FAM72B: variants seen among roughly 807,000 people sequenced by gnomAD.
FAM72B encodes the protein RUMY family member 2.
In FAM72B, 4 loss-of-function variants were observed where a neutral mutation model predicts 12.6. The observed-to-expected ratio is 0.32, with a 90% CI of 0.16 to 0.73. FAM72B has a LOEUF of 0.73. Among genes scored for constraint, FAM72B ranks in the 30% least tolerant of loss-of-function variants. FAM72B has a pLI of 0.67. For missense variants in FAM72B, 61 were observed against 158.4 expected (o/e 0.39, Z 3.30); for synonymous variants, 13 against 53.9 (o/e 0.24, Z 3.32).
At chr1:121,176,618 T>C (rs1473960216) in intron 3 of FAM72B, among the ~76,000 whole-genome samples, 1 of 133,548 alleles carries the variant, frequency 7.5e-6, no homozygotes, top group Non-Finnish European at 1.6e-5. Flanking sequence ...ATTGTGATAT[T>C]TGCTTGCTTT....
intron 2 of FAM72B, among the ~76,000 whole-genome samples, chr1:121,180,379 T>C (rs1428338427): frequency 1.8e-5 from 2 of 111,028 alleles, no homozygotes; most frequent in Non-Finnish European, 3.5e-5. Context: ...CTGTCTCTAC[T>C]AAAAAAAAAA....
intron 3 of FAM72B, among the ~76,000 whole-genome samples, chr1:121,175,285 A>G (rs1553316695): frequency 1.3e-5 from 2 of 152,218 alleles, no homozygotes; most frequent in South Asian, 2.1e-4. Context: ...AATCCCTTTG[A>G]AAACATTACT....
At chr1:121,173,318 C>G (rs1359040707) in intron 3 of FAM72B, among the ~76,000 whole-genome samples, 1 of 141,856 alleles carries the variant, frequency 7.0e-6, no homozygotes, top group South Asian at 2.3e-4. Flanking sequence ...AGGCTGGTCT[C>G]GAACCCCTGA....
At chr1:121,168,899 A>G in intron 3 of FAM72B, 64 bp from the exon 4 acceptor site, 1 of 1,245,438 alleles carries the variant, frequency 8.0e-7, no homozygotes, top group South Asian at 1.4e-5. Context: ...AACACAAATT[A>G]CGAAACTTTA....
At chr1:121,173,254 G>A (rs1404184332) in intron 3 of FAM72B, among the ~76,000 whole-genome samples, 4 of 135,984 alleles carry the variant, frequency 2.9e-5, no homozygotes, top group East Asian at 2.2e-4. Context: ...GTGCCACCTC[G>A]GCTTACTGCA....
intron 3 of FAM72B, among the ~76,000 whole-genome samples, chr1:121,170,030 G>T (rs1553315984): frequency 6.6e-6 from 1 of 152,118 alleles, no homozygotes. Flanking sequence ...GAGACGAGTG[G>T]TGTAATCTTG....
chr1:121,183,098 TGTGTGGTCGCATGACTGC>T, intron 1 of FAM72B: 1 of 110,770 alleles, frequency 9.0e-6, no homozygotes. Context: ...ACTTAAGAGA[TGTGTGGTCGCATGACTGC>T]AATTGAACTA....
At chr1:121,174,369 CTT>C (rs56969749) in intron 3 of FAM72B, among the ~76,000 whole-genome samples, 2 of 141,926 alleles carry the variant, frequency 1.4e-5, no homozygotes, top group Non-Finnish European at 1.5e-5. Context: ...CTTTTCTTTT[CTT>C]TTTTTTTTTT....
At chr1:121,172,540 A>G (rs1309407942) in intron 3 of FAM72B, among the ~76,000 whole-genome samples, 1 of 146,802 alleles carries the variant, frequency 6.8e-6, no homozygotes. Flanking sequence ...AGGTGGGCAG[A>G]TCACCTGAGG....
At chr1:121,168,866 T>C in intron 3 of FAM72B, 31 bp from the exon 4 acceptor site, 1 of 1,591,444 alleles carries the variant, frequency 6.3e-7, no homozygotes, top group Non-Finnish European at 8.5e-7. Context: ...AATTCTTTAA[T>C]GCTTACTACT....
chr1:121,172,646 C>T (rs1233580755), intron 3 of FAM72B, among the ~76,000 whole-genome samples: 2 of 144,448 alleles, frequency 1.4e-5, no homozygotes, highest in Admixed American at 6.7e-5. Flanking sequence ...ACCTATAATC[C>T]CAGCCACTCA....
chr1:121,179,657 G>A (rs1289387587), intron 2 of FAM72B, among the ~76,000 whole-genome samples: 1 of 151,106 alleles, frequency 6.6e-6, no homozygotes, highest in African/African-American at 2.4e-5. Context: ...GTGAAACCCT[G>A]TCTCTACTAA....
rs1654064404 is a variant in FAM72B, at chr1:121,170,178, T to C, written c.356-1343A>G. Among the ~76,000 whole-genome samples the C allele has an allele frequency of 3.3e-5, 5 of 149,536 alleles. No individual in the cohort carries two copies. In the South Asian group the frequency reaches 8.6e-4, roughly 26 times the overall value. ...TAGAGATGGGGTTTCACCACGTTGG[T>C]CAGGGTGGTCTTGAACTCCTGACCT... On this transcript the variant is annotated intron_variant, in intron 3 of 3. Coordinates refer to ENST00000369390, the MANE Select transcript of FAM72B (RefSeq NM_001100910.2).
intron 2 of FAM72B, among the ~76,000 whole-genome samples, chr1:121,179,718 C>T (rs1236842425): frequency 6.9e-6 from 1 of 144,902 alleles, no homozygotes; most frequent in African/African-American, 2.6e-5. Flanking sequence ...GTCTCAGCTA[C>T]TCAGGAGGCT....
intron 3 of FAM72B, among the ~76,000 whole-genome samples, chr1:121,170,159 T>C (rs1418665116): frequency 6.6e-6 from 1 of 151,016 alleles, no homozygotes; most frequent in East Asian, 2.0e-4. Flanking sequence ...TTAGTAGAGA[T>C]GGGGTTTCAC....
At chr1:121,174,729 T>C (rs1405638233) in intron 3 of FAM72B, among the ~76,000 whole-genome samples, 1 of 145,084 alleles carries the variant, frequency 6.9e-6, no homozygotes, top group African/African-American at 2.6e-5. Flanking sequence ...CGATCTCGGC[T>C]CACTTCAAAC....
intron 3 of FAM72B, among the ~76,000 whole-genome samples, chr1:121,172,309 G>A (rs1174718633): frequency 2.0e-3 from 252 of 123,594 alleles, no homozygotes; most frequent in African/African-American, 8.7e-3. Context: ...CTCCAGCCTG[G>A]GTGACAGAGC....
At chr1:121,174,889 C>A (rs1654179914) in intron 3 of FAM72B, among the ~76,000 whole-genome samples, 1 of 151,826 alleles carries the variant, frequency 6.6e-6, no homozygotes, top group Admixed American at 6.6e-5. Context: ...CTCAGGTGAT[C>A]CATCCACCTC....
At chr1:121,174,712 A>C (rs1224086464) in intron 3 of FAM72B, among the ~76,000 whole-genome samples, 1 of 144,966 alleles carries the variant, frequency 6.9e-6, no homozygotes, top group Admixed American at 6.9e-5. Flanking sequence ...CTCTTGGTGC[A>C]ATGGTGCGAT....
Sources: allele counts gnomAD v4.1 joint callset (sites outside exome capture counted in the v4.1 genomes callset), GRCh38; gene constraint gnomAD v4.1.1; transcripts MANE v1.5; gene names NCBI Gene and HGNC (gene_info 2026-07-23, HGNC 2026-07-21).